MTPAP: variants seen among roughly 807,000 people sequenced by gnomAD.
The protein encoded by MTPAP is poly(A) RNA polymerase, mitochondrial.
MTPAP carries 23 observed loss-of-function variants against 48.7 expected under a neutral mutation model. That is an observed-to-expected ratio of 0.47 (90% CI 0.34 to 0.67). The LOEUF is 0.67. Ranked by LOEUF, MTPAP falls within the 30% of genes least tolerant of loss-of-function variation. The pLI is 0.01. For synonymous variants in MTPAP, 257 were observed against 254.1 expected, an observed-to-expected ratio of 1.01 and a Z score of -0.11; for missense variants, 614 against 694.3, an observed-to-expected ratio of 0.88 and a Z score of 1.30.
chr10:30,313,751 G>C lies in MTPAP; in HGVS notation c.1607C>G (p.Pro536Arg), dbSNP rs147174746. ...GLVSLLLPSA[P>R]NRKSFTKKKS... ...CTTCTTGGTAAAGGACTTTCTGTTT[G>C]GAGCAGATGGTAGCAATAGGGATAC... The change falls in exon 9 of 9, where the codon CCA becomes CGA. Residue 536 changes from proline to arginine, a missense_variant. Pro to Arg is a moderately radical substitution (Grantham distance 103). Coordinates refer to ENST00000263063, the MANE Select transcript of MTPAP (RefSeq NM_018109.4). 1,115 of 1,614,096 alleles carry C rather than the reference G, an allele frequency of 6.9e-4. 1 individual carries two copies. Among genetic ancestry groups the C allele is most frequent in the South Asian group, 1.3e-3 (114 of 91,074 alleles).
intron 6 of MTPAP, among the ~76,000 whole-genome samples, chr10:30,321,194 C>T (rs1840721513): frequency 6.6e-6 from 1 of 152,198 alleles, no homozygotes; most frequent in African/African-American, 2.4e-5. Flanking sequence ...CACCACTCTA[C>T]CCCACTGAAA....
intron 4 of MTPAP, among the ~76,000 whole-genome samples, chr10:30,334,318 T>A (rs1309320794): frequency 6.6e-6 from 1 of 152,086 alleles, no homozygotes; most frequent in Non-Finnish European, 1.5e-5. Flanking sequence ...AACTGTTTGA[T>A]CATTATGATA....
intron 6 of MTPAP, among the ~76,000 whole-genome samples, chr10:30,318,996 T>C (rs1840692232): frequency 6.6e-6 from 1 of 151,200 alleles, no homozygotes; most frequent in Admixed American, 6.6e-5. Context: ...ACAGATGAGA[T>C]CCTGTACTAG....
chr10:30,325,420 AAGTTAAGAAATAAACTTCTC>A (rs1834573657), intron 5 of MTPAP, among the ~76,000 whole-genome samples: 1 of 152,184 alleles, frequency 6.6e-6, no homozygotes, highest in Non-Finnish European at 1.5e-5. Flanking sequence ...ATGCAATGAG[AAGTTAAGAAATAAACTTCTC>A]AATTAAGAAA....
chr10:30,330,744 C>A (rs1834655315), intron 4 of MTPAP, among the ~76,000 whole-genome samples: 1 of 152,130 alleles, frequency 6.6e-6, no homozygotes, highest in Non-Finnish European at 1.5e-5. Flanking sequence ...ATGTGATTTG[C>A]TTTGGCCAGT....
chr10:30,330,006 A>T (rs1445120123), intron 4 of MTPAP, among the ~76,000 whole-genome samples: 1 of 152,176 alleles, frequency 6.6e-6, no homozygotes, highest in Non-Finnish European at 1.5e-5. Context: ...CAGGAAAAAA[A>T]ATCCAGAATA....
At chr10:30,347,325 T>C (rs755625501) in intron 1 of MTPAP, among the ~76,000 whole-genome samples, 2 of 152,224 alleles carry the variant, frequency 1.3e-5, no homozygotes, top group Non-Finnish European at 2.9e-5. Flanking sequence ...TGCTATAAAC[T>C]GGTAATGAAT....
At chr10:30,314,884 C>CAAAAAAAAAAAAAAAAAAAAAA (rs34249388) in intron 8 of MTPAP, among the ~76,000 whole-genome samples, 8 of 110,748 alleles carry the variant, frequency 7.2e-5, no homozygotes, top group East Asian at 5.2e-4. Flanking sequence ...AAAACAAAAA[C>CAAAAAAAAAAAAAAAAAAAAAA]AAAAAAAAAA....
At chr10:30,341,783 C>T in intron 1 of MTPAP, 143 bp from the exon 2 acceptor site, 1 of 879,620 alleles carries the variant, frequency 1.1e-6, no homozygotes, top group Non-Finnish European at 1.8e-6. Context: ...AAGGGTTAAA[C>T]TATACTACAG....
At chr10:30,333,153 T>C (rs1259027886) in intron 4 of MTPAP, among the ~76,000 whole-genome samples, 2 of 151,552 alleles carry the variant, frequency 1.3e-5, no homozygotes, top group Non-Finnish European at 1.5e-5. Context: ...TAAAAATAAA[T>C]TTAAAAAAAA....
chr10:30,320,635 T>C (rs1840713182), intron 6 of MTPAP, among the ~76,000 whole-genome samples: 1 of 152,208 alleles, frequency 6.6e-6, no homozygotes, highest in South Asian at 2.1e-4. Context: ...TATGTGTTTG[T>C]GAAAATCACT....
intron 4 of MTPAP, among the ~76,000 whole-genome samples, chr10:30,333,016 G>A (rs1326040087): frequency 6.6e-6 from 1 of 152,056 alleles, no homozygotes; most frequent in Non-Finnish European, 1.5e-5. Context: ...AGCTACTCGG[G>A]AGGCTGAGGC....
At chr10:30,315,735 A>G (rs371555949) in intron 8 of MTPAP, among the ~76,000 whole-genome samples, 55 of 152,348 alleles carry the variant, frequency 3.6e-4, no homozygotes, top group African/African-American at 1.2e-3. Context: ...GTCCCATGGC[A>G]TAATAACAAG....
chr10:30,334,963 A>T (rs1834711175), intron 4 of MTPAP, among the ~76,000 whole-genome samples: 2 of 152,262 alleles, frequency 1.3e-5, no homozygotes, highest in Non-Finnish European at 2.9e-5. Context: ...AACAACTTAG[A>T]AGCAGAATTA....
chr10:30,319,945 G>C (rs1288632398), intron 6 of MTPAP, among the ~76,000 whole-genome samples: 1 of 152,136 alleles, frequency 6.6e-6, no homozygotes, highest in Admixed American at 6.6e-5. Flanking sequence ...TATACGATGT[G>C]AACATATTTA....
At chr10:30,315,897 A>G (rs1227446361) in intron 8 of MTPAP, 66 bp downstream of exon 8, 2 of 1,397,808 alleles carry the variant, frequency 1.4e-6, no homozygotes, top group African/African-American at 2.9e-5. Context: ...TTTTGAAAAC[A>G]GTTAATTAAA....
At chr10:30,332,133 G>T (rs1588717525) in intron 4 of MTPAP, among the ~76,000 whole-genome samples, 2 of 152,192 alleles carry the variant, frequency 1.3e-5, no homozygotes, top group East Asian at 3.8e-4. Context: ...GAATGTAAGA[G>T]TACTTGTATT....
chr10:30,340,908 G>A (rs1166428977), intron 2 of MTPAP, among the ~76,000 whole-genome samples: 5 of 143,640 alleles, frequency 3.5e-5, no homozygotes. Flanking sequence ...AACAGAGTGA[G>A]ACTCCATGTC....
Position 30,313,708 on chromosome 10 carries a change from T to C in MTPAP, c.1650A>G (p.Ala550=). The C allele has an allele frequency of 6.2e-7, 1 of 1,614,232 alleles. No individual in the cohort carries two copies. The highest frequency in any genetic ancestry group is 8.5e-7 in the Non-Finnish European group (1 of 1,180,028). Residue 550 remains alanine, a synonymous_variant, in exon 9 of 9, where the codon GCA becomes GCG. Transcript: ENST00000263063. The part of the protein sequence containing the change: ...SFTKKKSNKF[A]IETVKNLLES... ...CTAGCAAGTTTTTGACTGTTTCAAT[T>C]GCAAACTTATTGCTTTTCTTCTTGG...
Sources: gnomAD v4.1 joint callset for allele counts (sites outside exome capture counted in the v4.1 genomes callset) on GRCh38, gnomAD v4.1.1 for gene constraint, MANE v1.5 for transcripts, NCBI Gene and HGNC (gene_info 2026-07-23, HGNC 2026-07-21) for gene names.